The following MYH10 variants were observed in gnomAD, a reference collection of about 807,000 sequenced individuals.
MYH10 encodes the protein myosin-10.
Under a neutral mutation model 257.8 loss-of-function variants are expected in MYH10, and 55 were observed. That is an observed-to-expected ratio of 0.21 (90% confidence interval 0.17 to 0.27). The LOEUF (loss-of-function observed/expected upper bound fraction) is 0.27. Ranked by LOEUF, MYH10 falls within the 10% of genes least tolerant of loss-of-function variation. The pLI, the probability that MYH10 is intolerant of heterozygous loss-of-function variation, is 1.00. For synonymous variants in MYH10, 854 were observed against 921.7 expected, an observed-to-expected ratio of 0.93 and a Z score of 1.33; for missense variants, 1,631 against 2,500.6, an observed-to-expected ratio of 0.65 and a Z score of 7.42.
At chr17:8,602,899 A>G (rs1210612268) in intron 3 of MYH10, among the ~76,000 whole-genome samples, 2 of 152,256 alleles carry the variant, frequency 1.3e-5, no homozygotes, top group African/African-American at 4.8e-5. Context: ...TGCTTGACAC[A>G]CAGTAATTTT....
Position 8,481,230 on chromosome 17 carries a change from C to T in MYH10, c.5264+92G>A, listed in dbSNP as rs1020992171. 1.6e-5 allele frequency: 21 copies of T among 1,300,530 alleles called. No homozygotes were observed. The African/African-American group carries it at 2.2e-4, about 14-fold the overall frequency. 80.6% of individuals were successfully genotyped at this position (1,300,530 alleles called of 1,614,324 possible). On this transcript the variant is annotated intron_variant, in intron 38 of 42. Transcript: ENST00000360416. ...GCCCAGCGAGGGAGGAGCAAACCAC[C>T]CGCTGATGCCAGGTGTGTGGACACC...
chr17:8,487,451 C>T lies in MYH10; in HGVS notation c.5028G>A (p.Lys1676=). ...AANKARDEVI[K]QLRKLQAQMK... is the part of the protein sequence containing the mutation. Reference sequence around the variant, plus strand: ...CACATACCTGGAGCTTGCGGAGCTGCTTAATCACCTCATCCCGAGCTTTGT... The same window carrying T: ...CACATACCTGGAGCTTGCGGAGCTGTTTAATCACCTCATCCCGAGCTTTGT... Residue 1676 remains lysine, a synonymous_variant, in exon 36 of 43, where the codon AAG becomes AAA. Transcript: ENST00000360416. 4 of 1,614,200 alleles carry T rather than the reference C, an allele frequency of 2.5e-6. No homozygotes were observed. The highest frequency in any genetic ancestry group is 3.4e-6 in the Non-Finnish European group (4 of 1,180,046).
intron 7 of MYH10, among the ~76,000 whole-genome samples, chr17:8,564,557 GA>G (rs2083101023): frequency 6.6e-6 from 1 of 152,164 alleles, no homozygotes; most frequent in African/African-American, 2.4e-5. Context: ...ACATGCCGTT[GA>G]AAACATATTA....
At chr17:8,487,699 A>G (rs1428038331) in intron 35 of MYH10, 105 bp from the exon 36 acceptor site, 3 of 1,274,838 alleles carry the variant, frequency 2.4e-6, no homozygotes, top group South Asian at 2.6e-5. Context: ...GTGAGTGGAA[A>G]CTTCTGTTAC....
At chr17:8,626,693 TA>T (rs1439338618) in intron 1 of MYH10, among the ~76,000 whole-genome samples, 14 of 151,472 alleles carry the variant, frequency 9.2e-5, no homozygotes, top group African/African-American at 3.4e-4. Flanking sequence ...TGAGAACAAA[TA>T]ATAGGATACA....
At chr17:8,479,541 G>C (rs1047772730) in intron 40 of MYH10, among the ~76,000 whole-genome samples, 2 of 152,156 alleles carry the variant, frequency 1.3e-5, no homozygotes, top group Non-Finnish European at 2.9e-5. Context: ...GAGGATGCAG[G>C]GTTCTGGCCG....
chr17:8,519,364 T>C (rs987307770), intron 19 of MYH10, among the ~76,000 whole-genome samples: 1 of 152,218 alleles, frequency 6.6e-6, no homozygotes, highest in Non-Finnish European at 1.5e-5. Flanking sequence ...GCTGTGTTCA[T>C]AGGCTTCTAT....
chr17:8,562,497 G>A (rs1254632250), intron 7 of MYH10, among the ~76,000 whole-genome samples: 1 of 152,168 alleles, frequency 6.6e-6, no homozygotes, highest in South Asian at 2.1e-4. Context: ...TTTTAAGTGG[G>A]AACGCTATCT....
At chr17:8,603,780 A>C (rs2084696987) in intron 3 of MYH10, among the ~76,000 whole-genome samples, 1 of 152,024 alleles carries the variant, frequency 6.6e-6, no homozygotes, top group Non-Finnish European at 1.5e-5. Flanking sequence ...ATTGTATTGA[A>C]CTCCAAAAAA....
intron 19 of MYH10, among the ~76,000 whole-genome samples, chr17:8,519,738 C>T (rs564730813): frequency 6.6e-6 from 1 of 152,084 alleles, no homozygotes; most frequent in South Asian, 2.1e-4. Flanking sequence ...GGCACAAAGA[C>T]CATTCTTTGA....
At chr17:8,481,827 C>T (rs1049738349) in intron 37 of MYH10, among the ~76,000 whole-genome samples, 1 of 152,228 alleles carries the variant, frequency 6.6e-6, no homozygotes, top group Non-Finnish European at 1.5e-5. Flanking sequence ...AGATCAAGGA[C>T]GCTGGCTGCA....
At chr17:8,559,064 G>A (rs2082900386) in intron 7 of MYH10, among the ~76,000 whole-genome samples, 1 of 152,114 alleles carries the variant, frequency 6.6e-6, no homozygotes, top group Non-Finnish European at 1.5e-5. Context: ...CCACCTGGAT[G>A]CTAATGTCAT....
At chr17:8,476,050 CCCT>C in intron 42 of MYH10, 102 bp from the exon 43 acceptor site, 2 of 1,342,868 alleles carry the variant, frequency 1.5e-6, no homozygotes, top group Non-Finnish European at 2.0e-6. Flanking sequence ...CCCTTGCACC[CCCT>C]CCTCGGACAC....
At chr17:8,505,133 TA>T (rs2081032662) in intron 27 of MYH10, among the ~76,000 whole-genome samples, 2 of 125,850 alleles carry the variant, frequency 1.6e-5, no homozygotes, top group East Asian at 4.8e-4. Flanking sequence ...GAGCCAGAAC[TA>T]GATTCCAGCC....
At chr17:8,511,791 C>T (rs1293706737) in intron 24 of MYH10, among the ~76,000 whole-genome samples, 4 of 152,190 alleles carry the variant, frequency 2.6e-5, no homozygotes, top group Non-Finnish European at 4.4e-5. Flanking sequence ...ATGGTCAATT[C>T]CATTTCATGT....
At chr17:8,591,576 T>C (rs2084141034) in intron 3 of MYH10, among the ~76,000 whole-genome samples, 1 of 152,218 alleles carries the variant, frequency 6.6e-6, no homozygotes, top group East Asian at 1.9e-4. Flanking sequence ...TATACCAAGT[T>C]GTTTATGGTT....
intron 30 of MYH10, among the ~76,000 whole-genome samples, chr17:8,498,297 C>A (rs1159575126): frequency 1.3e-5 from 2 of 152,024 alleles, no homozygotes; most frequent in African/African-American, 4.8e-5. Context: ...CATACTATAC[C>A]ATTTTTATTA....
At chr17:8,508,736 G>C in intron 25 of MYH10, 59 bp from the exon 26 acceptor site, 2 of 1,598,620 alleles carry the variant, frequency 1.3e-6, no homozygotes, top group Non-Finnish European at 1.7e-6. Flanking sequence ...CTTGGGTTCT[G>C]TATTCCTCAT....
At chr17:8,513,999 A>AG in intron 21 of MYH10, 105 bp from the exon 22 acceptor site, 1 of 976,366 alleles carries the variant, frequency 1.0e-6, no homozygotes, top group East Asian at 2.6e-5. Flanking sequence ...TGTCTAGGAT[A>AG]GGGAATGATT....
Sources: gnomAD v4.1 joint callset for allele counts (sites outside exome capture counted in the v4.1 genomes callset) on GRCh38, gnomAD v4.1.1 for gene constraint, MANE v1.5 for transcripts, NCBI Gene and HGNC (gene_info 2026-07-23, HGNC 2026-07-21) for gene names.